PCDHA4: variants seen among roughly 807,000 people sequenced by gnomAD.
PCDHA4 encodes protocadherin alpha 4, also known as protocadherin alpha-4.
A neutral mutation model predicts 61.4 loss-of-function variants in PCDHA4; 49 were observed. The ratio of observed to expected loss-of-function variants is 0.80; its 90% confidence interval spans 0.63 to 1.01. The LOEUF (loss-of-function observed/expected upper bound fraction) is 1.01. Ranked by LOEUF, PCDHA4 falls within the 50% of genes least tolerant of loss-of-function variation. The pLI, the probability that PCDHA4 is intolerant of heterozygous loss-of-function variation, is 0.00. For missense variants in PCDHA4, 1,254 were observed against 1,235.8 expected, an observed-to-expected ratio of 1.01 and a Z score of -0.22; for synonymous variants, 590 against 550.3, an observed-to-expected ratio of 1.07 and a Z score of -1.01.
chr5:140,967,121 C>T, intron 1 of PCDHA4: 1 of 1,612,916 alleles, frequency 6.2e-7, no homozygotes, highest in East Asian at 2.2e-5. Flanking sequence ...TCGCTGCCTG[C>T]TCAGCTTGGA....
rs2150326253 is a variant in PCDHA4 at position 140,841,946 on chromosome 5, C to A, written c.2385+32374C>A. 13 of 1,613,790 alleles carry A rather than the reference C, an allele frequency of 8.1e-6. No homozygotes were observed. The highest frequency in any genetic ancestry group is 2.7e-5 in the African/African-American group (2 of 74,876). ...GGACAGAGAGGACGCTCCTGCGCAC[C>A]ACTTATTCCTGACAGCCACAGATGG... On this transcript the variant is annotated intron_variant, in intron 1 of 3. Coordinates refer to ENST00000530339, the MANE Select transcript of PCDHA4 (RefSeq NM_018907.4).
intron 1 of PCDHA4, chr5:140,861,112 C>T (rs1554154163): frequency 2.0e-5 from 3 of 152,522 alleles, no homozygotes; most frequent in Admixed American, 6.5e-5. Flanking sequence ...TTAAAAACTA[C>T]AAACACCCAT....
chr5:140,928,043 C>G (rs1554205400), intron 1 of PCDHA4: 2 of 1,614,192 alleles, frequency 1.2e-6, no homozygotes, highest in Non-Finnish European at 1.7e-6. Context: ...AGTGCAGGCC[C>G]TTTTCAGCTG....
intron 1 of PCDHA4, among the ~76,000 whole-genome samples, chr5:140,833,892 C>A (rs1772707786): frequency 1.3e-5 from 2 of 152,052 alleles, no homozygotes; most frequent in Non-Finnish European, 2.9e-5. Context: ...GGATCTAGAT[C>A]AAAGGAATTT....
At chr5:140,973,599 T>C (rs952944512) in intron 1 of PCDHA4, among the ~76,000 whole-genome samples, 7 of 152,258 alleles carry the variant, frequency 4.6e-5, no homozygotes, top group African/African-American at 1.4e-4. Flanking sequence ...GATGGAATTA[T>C]GGCTGAGCTC....
At chr5:140,848,356 A>T in intron 1 of PCDHA4, 1 of 1,038,310 alleles carries the variant, frequency 9.6e-7, no homozygotes, top group Non-Finnish European at 1.4e-6. Flanking sequence ...CCCTTTTCCC[A>T]TGGGAAAGAG....
intron 1 of PCDHA4, chr5:140,926,797 T>G: frequency 2.1e-6 from 3 of 1,450,476 alleles, no homozygotes; most frequent in Non-Finnish European, 1.8e-6. Flanking sequence ...AGGAGCGTGC[T>G]CTTCCCCGCG....
intron 1 of PCDHA4, among the ~76,000 whole-genome samples, chr5:140,940,019 T>C (rs1554213082): frequency 6.6e-6 from 1 of 152,230 alleles, no homozygotes; most frequent in East Asian, 1.9e-4. Context: ...TTGTGTCATA[T>C]GTTTTAAGGC....
intron 1 of PCDHA4, chr5:140,927,075 C>A (rs1304732952): frequency 1.9e-6 from 3 of 1,611,070 alleles, no homozygotes; most frequent in Non-Finnish European, 2.5e-6. Context: ...TTTCCAGCCA[C>A]CGCGAGCTCT....
Position 140,856,989 on chromosome 5 carries a change from C to T in PCDHA4, c.2385+47417C>T. 3.1e-6 allele frequency: 5 copies of T among 1,595,206 alleles called. 1 individual carries two copies. The highest frequency in any genetic ancestry group is 1.1e-5 in the South Asian group (1 of 90,500). ...GCTATTGACTTTGAGGACAGTAACA[C>T]TTATGAAATTCATGTAGATGTTACA... is the stretch of plus-strand genomic sequence containing the variant. On this transcript the variant is annotated intron_variant, in intron 1 of 3. Transcript: ENST00000530339.
chr5:140,871,492 C>G (rs782396000), intron 1 of PCDHA4: 1 of 1,589,508 alleles, frequency 6.3e-7, no homozygotes, highest in Admixed American at 1.8e-5. Context: ...TCACCCCGGA[C>G]AGGTGAGTTT....
chr5:140,993,630 C>T (rs1305182880), intron 3 of PCDHA4, among the ~76,000 whole-genome samples: 2 of 152,054 alleles, frequency 1.3e-5, no homozygotes, highest in South Asian at 4.2e-4. Flanking sequence ...TATATATAGT[C>T]GTGTACCAAA....
chr5:140,886,827 GAA>G (rs782016620), intron 1 of PCDHA4, among the ~76,000 whole-genome samples: 14 of 60,910 alleles, frequency 2.3e-4, no homozygotes, highest in Non-Finnish European at 3.3e-4. Context: ...ACTTCGTCTT[GAA>G]AAAAAAAAAA....
chr5:140,865,572 A>T (rs2048923193), intron 1 of PCDHA4: 1 of 152,224 alleles, frequency 6.6e-6, no homozygotes, highest in African/African-American at 2.4e-5. Context: ...TCAGTAACTC[A>T]TGATAATAAA....
intron 1 of PCDHA4, chr5:140,834,834 C>G (rs1580793449): frequency 6.2e-7 from 1 of 1,611,936 alleles, no homozygotes; most frequent in Non-Finnish European, 8.5e-7. Flanking sequence ...GCTTGACTCT[C>G]GGTTTCCACT....
Position 140,841,790 on chromosome 5 carries a change from G to A in PCDHA4, c.2385+32218G>A, listed in dbSNP as rs2150322746. The A allele has an allele frequency of 5.6e-6, 9 of 1,613,884 alleles. No individual in the cohort carries two copies. The South Asian group carries it at 7.7e-5, about 14-fold the overall frequency. The stretch of plus-strand genomic sequence containing the variant: ...AGACTCTCGGTTTCCGCTAGAGGGC[G>A]CGTCCGATGCAGATGTTGGAGCTAA... On this transcript the variant is annotated intron_variant, in intron 1 of 3. Coordinates refer to ENST00000530339, the MANE Select transcript of PCDHA4 (RefSeq NM_018907.4).
chr5:140,907,252 A>C (rs1459023391), intron 1 of PCDHA4, among the ~76,000 whole-genome samples: 3 of 152,152 alleles, frequency 2.0e-5, no homozygotes, highest in African/African-American at 7.2e-5. Flanking sequence ...TGTAATTGTG[A>C]CTTCAAAAGG....
intron 1 of PCDHA4, among the ~76,000 whole-genome samples, chr5:140,921,929 A>G (rs2080500807): frequency 6.6e-6 from 1 of 152,244 alleles, no homozygotes; most frequent in East Asian, 1.9e-4. Flanking sequence ...CTTATAGTCA[A>G]TATAATTTTA....
chr5:140,852,099 AT>A, intron 1 of PCDHA4: 1 of 909,604 alleles, frequency 1.1e-6, no homozygotes, highest in Non-Finnish European at 1.3e-6. Flanking sequence ...TGTGTCAGAT[AT>A]TTTACAAGGT....
Sources: allele counts gnomAD v4.1 joint callset (sites outside exome capture counted in the v4.1 genomes callset), GRCh38; gene constraint gnomAD v4.1.1; transcripts MANE v1.5; gene names NCBI Gene and HGNC (gene_info 2026-07-23, HGNC 2026-07-21).